IL1RN: variants seen among roughly 807,000 people sequenced by gnomAD.
The protein encoded by IL1RN is interleukin-1 receptor antagonist protein.
IL1RN carries 10 observed loss-of-function variants against 13.7 expected under a neutral mutation model. The observed-to-expected ratio is 0.73, with a 90% confidence interval of 0.45 to 1.24. The LOEUF (loss-of-function observed/expected upper bound fraction) is 1.24, where lower values mean the gene tolerates loss of function less well. Ranked by LOEUF, IL1RN falls within the 50% of genes most tolerant of loss-of-function variation. IL1RN has a pLI of 0.00. For missense variants in IL1RN, 213 were observed against 222.1 expected, an observed-to-expected ratio of 0.96 and a Z score of 0.26; for synonymous variants, 102 against 82.7, an observed-to-expected ratio of 1.23 and a Z score of -1.27.
At chr2:113,121,075 CTCT>C (rs144446043) in intron 2 of IL1RN, among the ~76,000 whole-genome samples, 932 of 34,032 alleles carry the variant, frequency 0.027, 4 homozygotes, top group Middle Eastern at 0.062. Flanking sequence ...CCTCCTCCTC[CTCT>C]TCTTCTTCTT....
upstream of IL1RN, among the ~76,000 whole-genome samples, chr2:113,107,999 G>T (rs149016243): frequency 2.0e-5 from 3 of 152,240 alleles, no homozygotes; most frequent in Non-Finnish European, 4.4e-5. Context: ...AGAAATTACT[G>T]CAAACTTAGT....
chr2:113,127,674 T>G lies in IL1RN; in HGVS notation c.50T>G (p.Phe17Cys). Residue 17 changes from phenylalanine (F) to cysteine (C), a missense_variant, in exon 1 of 4, where the codon TTC becomes TGC. Phe to Cys is a radical substitution (Grantham distance 205). Transcript: ENST00000409930. ...LRSHLITLLL[F>C]LFHSETICRP... is the part of the protein sequence containing the mutation. ...AGTCACCTAATCACTCTCCTCCTCT[T>G]CCTGTTCCATTCAGAGACGATCTGC... 1 of 1,614,096 alleles carries G rather than the reference T, an allele frequency of 6.2e-7. No individual in the cohort carries two copies. Among genetic ancestry groups the G allele is most frequent in the Non-Finnish European group, 8.5e-7 (1 of 1,180,006 alleles).
rs991362069 is a variant in IL1RN, at chr2:113,132,958, G to C, written c.*87G>C. On this transcript the variant is annotated 3_prime_UTR_variant, in exon 4 of 4. Transcript: ENST00000409930. Reference sequence around the variant, plus strand: ...CCCTGCCCCAGGGCTCCCGGCTATGGGGGCACTGAGGACCAGCCATTGAGG... The same window carrying C: ...CCCTGCCCCAGGGCTCCCGGCTATGCGGGCACTGAGGACCAGCCATTGAGG... 1 of 1,280,178 alleles carries C rather than the reference G, an allele frequency of 7.8e-7. No homozygotes were observed. Among genetic ancestry groups the C allele is most frequent in the Non-Finnish European group, 1.1e-6 (1 of 880,250 alleles). The allele number at this position is 1,280,178 out of a possible 1,614,324, so 79.3% of individuals were successfully genotyped here.
upstream of IL1RN, chr2:113,117,418 T>G (rs1459321737): frequency 6.5e-6 from 1 of 153,802 alleles, no homozygotes; most frequent in Non-Finnish European, 1.4e-5. Context: ...TTCCCTAAAA[T>G]AGCCACCCAC....
intron 1 of IL1RN, chr2:113,118,146 C>G: frequency 6.6e-7 from 1 of 1,506,826 alleles, no homozygotes; most frequent in African/African-American, 1.4e-5. Context: ...AAATGTCAAG[C>G]GCATGGAGCT....
chr2:113,112,615 C>A (rs867314146), intron 1 of IL1RN, among the ~76,000 whole-genome samples: 3 of 152,318 alleles, frequency 2.0e-5, no homozygotes, highest in Middle Eastern at 3.4e-3. Context: ...CCCGCCCACG[C>A]TTTCTCTTAC....
upstream of IL1RN, chr2:113,127,427 C>A: frequency 7.3e-7 from 1 of 1,370,472 alleles, no homozygotes; most frequent in Non-Finnish European, 9.5e-7. Flanking sequence ...GAATCAGTTA[C>A]AACACTCCAT....
chr2:113,124,698 G>A (rs570450354), upstream of IL1RN, among the ~76,000 whole-genome samples: 1 of 152,250 alleles, frequency 6.6e-6, no homozygotes, highest in Admixed American at 6.5e-5. Flanking sequence ...CGATGATGTG[G>A]CTTCTATTAT....
In IL1RN at chr2:113,132,722, GA is replaced by G; in HGVS notation, c.386del (p.Asp129AlafsTer122). On this transcript the variant is annotated frameshift_variant, in exon 4 of 4. Transcript: ENST00000409930. LOFTEE classifies it low-confidence loss of function (END_TRUNC). ...CAAGCGCTTCGCCTTCATCCGCTCA[GA>G]CAGTGGCCCCACCACCAGTTTTGAG... ...QDKRFAFIRS[D>X]SGPTTSFESA... The G allele has an allele frequency of 6.2e-7, 1 of 1,614,248 alleles. No homozygotes were observed. Among genetic ancestry groups the G allele is most frequent in the Non-Finnish European group, 8.5e-7 (1 of 1,180,040 alleles).
At chr2:113,100,025 C>T in the IL1RN span, among the ~76,000 whole-genome samples, 4 of 137,558 alleles carry the variant, frequency 2.9e-5, no homozygotes, top group Non-Finnish European at 3.2e-5. Context: ...TGAGCCACCG[C>T]GACTGGCCCC....
chr2:113,112,522 C>G (rs1263272403), intron 1 of IL1RN, among the ~76,000 whole-genome samples: 1 of 152,166 alleles, frequency 6.6e-6, no homozygotes, highest in Non-Finnish European at 1.5e-5. Context: ...CGGAGCCCCC[C>G]TCGCCCTGTA....
intron 1 of IL1RN, among the ~76,000 whole-genome samples, chr2:113,119,352 T>C (rs1686690386): frequency 6.6e-6 from 1 of 152,206 alleles, no homozygotes; most frequent in African/African-American, 2.4e-5. Flanking sequence ...ATAGAGAGAT[T>C]AGATAATTTG....
rs1451365622 is a variant in IL1RN, at chr2:113,133,909, T to A, written c.*1038T>A. ...TCCCTGCAGGGCCAAGCACCTAGCC[T>A]CGCTCTTGGCAGGTACTCAGCGAAT... On this transcript the variant is annotated 3_prime_UTR_variant, in exon 4 of 4. Coordinates refer to ENST00000409930, the MANE Select transcript of IL1RN (RefSeq NM_173842.3). 1 of 152,728 alleles carries A rather than the reference T, an allele frequency of 6.5e-6. No homozygotes were observed. The highest frequency in any genetic ancestry group is 2.4e-5 in the African/African-American group (1 of 41,456). 9.5% of individuals were successfully genotyped at this position (152,728 alleles called of 1,614,324 possible).
the IL1RN span, among the ~76,000 whole-genome samples, chr2:113,101,819 G>A: frequency 1.6e-4 from 25 of 152,078 alleles, no homozygotes; most frequent in African/African-American, 6.0e-4. Context: ...CCAGGCTGGA[G>A]TGCAATGGCG....
At chr2:113,112,434 T>A (rs766465344) in intron 1 of IL1RN, among the ~76,000 whole-genome samples, 5 of 152,114 alleles carry the variant, frequency 3.3e-5, no homozygotes, top group Non-Finnish European at 7.4e-5. Context: ...AAGCCTCCCC[T>A]GCAGGAAGTT....
chr2:113,129,399 T>C (rs1260953048), intron 1 of IL1RN, among the ~76,000 whole-genome samples, 177 bp from the exon 2 acceptor site: 1 of 152,190 alleles, frequency 6.6e-6, no homozygotes, highest in Non-Finnish European at 1.5e-5. Flanking sequence ...GGCCTGCCTC[T>C]TAACCATTGT....
chr2:113,108,545 A>G (rs145088461), upstream of IL1RN, among the ~76,000 whole-genome samples: 759 of 152,156 alleles, frequency 5.0e-3, 1 homozygote, highest in Non-Finnish European at 6.9e-3. Flanking sequence ...TAAATAATCC[A>G]GGATAATCTC....
At chr2:113,110,872 C>G (rs1471974266), upstream of IL1RN, among the ~76,000 whole-genome samples, 1 of 152,208 alleles carries the variant, frequency 6.6e-6, no homozygotes, top group Non-Finnish European at 1.5e-5. Flanking sequence ...GTCATCAGAG[C>G]CATACTAAAT....
At chr2:113,130,502 A>G (rs1022426969) in intron 2 of IL1RN, among the ~76,000 whole-genome samples, 1 of 152,358 alleles carries the variant, frequency 6.6e-6, no homozygotes, top group Non-Finnish European at 1.5e-5. Context: ...CCCCTCAGCA[A>G]CACTCCTATT....
Sources: allele counts gnomAD v4.1 joint callset (sites outside exome capture counted in the v4.1 genomes callset), GRCh38; gene constraint gnomAD v4.1.1; transcripts MANE v1.5; gene names NCBI Gene and HGNC (gene_info 2026-07-23, HGNC 2026-07-21).